SLC9D1: variants seen among roughly 807,000 people sequenced by gnomAD.
The protein encoded by SLC9D1 is solute carrier family 9 member D1.
chr13:113,549,464 T>C, the SLC9D1 span: 2 of 1,614,068 alleles, frequency 1.2e-6, no homozygotes, highest in Non-Finnish European at 1.7e-6. Context: ...GCTCAGCCTC[T>C]TGCTCGCCCC....
chr13:113,525,814 C>T, the SLC9D1 span, among the ~76,000 whole-genome samples: 2 of 148,610 alleles, frequency 1.3e-5, no homozygotes, highest in East Asian at 2.0e-4. Flanking sequence ...CCATCGTCGT[C>T]GTAGGAGACG....
chr13:113,546,897 C>G, the SLC9D1 span, among the ~76,000 whole-genome samples: 1 of 152,182 alleles, frequency 6.6e-6, no homozygotes, highest in Non-Finnish European at 1.5e-5. The surrounding 1 kb of genome is among the most constrained non-coding windows in gnomAD (Gnocchi z 7.1). Flanking sequence ...GAACATTGAC[C>G]ACAGGCGTCC....
the SLC9D1 span, chr13:113,500,297 A>G: frequency 2.3e-6 from 1 of 429,640 alleles, no homozygotes. Context: ...GATTTGAGGC[A>G]TCTTCCCTTA....
the SLC9D1 span, among the ~76,000 whole-genome samples, chr13:113,518,367 G>A: frequency 6.6e-6 from 1 of 152,144 alleles, no homozygotes; most frequent in South Asian, 2.1e-4. Context: ...TCTGCTCTGT[G>A]GTGCCCATGG....
the SLC9D1 span, chr13:113,529,592 G>A: frequency 1.3e-5 from 2 of 152,230 alleles, no homozygotes; most frequent in African/African-American, 4.8e-5. Flanking sequence ...AGAGGTTGCA[G>A]TGAGCTGAGA....
At chr13:113,495,840 G>A in the SLC9D1 span, 2 of 1,614,208 alleles carry the variant, frequency 1.2e-6, no homozygotes, top group Admixed American at 1.7e-5. Flanking sequence ...CCTGTCGGAT[G>A]AAGAGAAACT....
chr13:113,549,013 G>A, the SLC9D1 span, among the ~76,000 whole-genome samples: 1 of 152,184 alleles, frequency 6.6e-6, no homozygotes, highest in Non-Finnish European at 1.5e-5. Context: ...AAGCTGTGGG[G>A]CAGGCTGGCT....
the SLC9D1 span, chr13:113,503,562 G>C: frequency 6.2e-7 from 1 of 1,613,754 alleles, no homozygotes. Flanking sequence ...TGTTGGCTTA[G>C]AATTTTCTCC....
chr13:113,509,043 A>G, the SLC9D1 span, among the ~76,000 whole-genome samples: 7,119 of 87,090 alleles, frequency 0.082, 40 homozygotes, highest in Middle Eastern at 0.23. Flanking sequence ...GTCCCCTGAC[A>G]CTGCCTGTGT....
the SLC9D1 span, among the ~76,000 whole-genome samples, chr13:113,543,190 G>GAC: frequency 2.6e-5 from 1 of 38,712 alleles, no homozygotes; most frequent in African/African-American, 2.0e-4. Context: ...TCCTCCCCCT[G>GAC]CCCCTCGCCC....
chr13:113,508,683 G>A, the SLC9D1 span, among the ~76,000 whole-genome samples: 723 of 152,270 alleles, frequency 4.7e-3, 2 homozygotes, highest in Middle Eastern at 0.02. Context: ...AAGTGAGCCC[G>A]GGCCTCATGG....
At chr13:113,502,853 G>A in the SLC9D1 span, among the ~76,000 whole-genome samples, 381 of 152,294 alleles carry the variant, frequency 2.5e-3, 2 homozygotes, top group African/African-American at 8.8e-3. Context: ...TCTCCAGATC[G>A]CAGGGCGGCA....
the SLC9D1 span, among the ~76,000 whole-genome samples, chr13:113,537,101 C>T: frequency 1.3e-5 from 2 of 152,194 alleles, no homozygotes; most frequent in African/African-American, 4.8e-5. Context: ...TTAAAGCCTC[C>T]AGGTCGTTAT....
the SLC9D1 span, among the ~76,000 whole-genome samples, chr13:113,507,572 G>A: frequency 2.0e-5 from 3 of 152,194 alleles, no homozygotes; most frequent in South Asian, 2.1e-4. Flanking sequence ...AAACTGCGCC[G>A]TGCATAGTGC....
chr13:113,531,000 C>T, the SLC9D1 span, among the ~76,000 whole-genome samples: 1 of 152,300 alleles, frequency 6.6e-6, no homozygotes, highest in Non-Finnish European at 1.5e-5. Flanking sequence ...GTACCTTGGG[C>T]ATCATTGTTG....
the SLC9D1 span, among the ~76,000 whole-genome samples, chr13:113,491,521 TCTCTCTCCCTCCCTGGGGCTCACCTCCC>T: frequency 1.5e-5 from 2 of 137,732 alleles, no homozygotes; most frequent in East Asian, 4.4e-4. Flanking sequence ...GCTCCCCTCC[TCTCTCTCCCTCCCTGGGGCTCACCTCCC>T]CTCTCTCTCT....
chr13:113,541,624 G>A, the SLC9D1 span, among the ~76,000 whole-genome samples: 3 of 144,142 alleles, frequency 2.1e-5, no homozygotes, highest in African/African-American at 5.1e-5. Context: ...TGGATGATAC[G>A]CACACGATTG....
chr13:113,543,114 CA>C, the SLC9D1 span, among the ~76,000 whole-genome samples: 1 of 103,466 alleles, frequency 9.7e-6, no homozygotes, highest in African/African-American at 3.7e-5. Flanking sequence ...CCCCTGCCCC[CA>C]GCCCTCCCTG....
chr13:113,543,490 C>T, the SLC9D1 span, among the ~76,000 whole-genome samples: 1 of 1,504 alleles, frequency 6.6e-4, no homozygotes, highest in Non-Finnish European at 1.5e-3. Context: ...CACCTCCTCC[C>T]CCTCCCCCCG....
Sources: allele counts gnomAD v4.1 joint callset (sites outside exome capture counted in the v4.1 genomes callset), GRCh38; gene constraint gnomAD v4.1.1; non-coding constraint Gnocchi (gnomAD v3.1); transcripts MANE v1.5; gene names NCBI Gene and HGNC (gene_info 2026-07-23, HGNC 2026-07-21).